The following OPA3 variants were observed in gnomAD, a reference collection of about 807,000 sequenced individuals.
OPA3 encodes the protein outer mitochondrial membrane lipid metabolism regulator OPA3, also known as optic atrophy 3 protein.
In OPA3, 6 loss-of-function variants were observed where a neutral mutation model predicts 4.0. The ratio of observed to expected loss-of-function variants is 1.51; its 90% CI spans 0.83 to 2.99. The LOEUF (loss-of-function observed/expected upper bound fraction) is 2.99. Ranked by LOEUF, OPA3 falls within the 30% of genes most tolerant of loss-of-function variation. The probability of loss-of-function intolerance (pLI) is 0.00; values close to 1 mark genes in which losing one functional copy is unlikely to be tolerated. For missense variants in OPA3, 235 were observed against 256.2 expected (o/e 0.92, Z 0.56); for synonymous variants, 105 against 117.1 (o/e 0.90, Z 0.67).
chr19:45,559,655 A>G (rs945223886), intron 1 of OPA3, among the ~76,000 whole-genome samples: 5 of 151,242 alleles, frequency 3.3e-5, no homozygotes, highest in African/African-American at 9.7e-5. Context: ...CACCCGCCTC[A>G]GCCTCCCAAA....
chr19:45,566,475 CTT>C (rs544406295), intron 1 of OPA3, among the ~76,000 whole-genome samples: 18 of 102,280 alleles, frequency 1.8e-4, no homozygotes, highest in Admixed American at 2.0e-4. Context: ...TGATTTTTCT[CTT>C]TTTTTTTTTT....
intron 1 of OPA3, among the ~76,000 whole-genome samples, chr19:45,581,727 C>T (rs763793290): frequency 2.0e-4 from 30 of 152,200 alleles, no homozygotes; most frequent in Admixed American, 3.9e-4. Flanking sequence ...CTAGACAGAG[C>T]TGATTCATCA....
chr19:45,528,738 A>G (rs1969022169), exon 2 of OPA3: 2 of 305,486 alleles, frequency 6.5e-6, no homozygotes. Context: ...ACCTAGCGGT[A>G]GGGAGGTGGG....
chr19:45,559,891 G>A (rs1294967717), intron 1 of OPA3, among the ~76,000 whole-genome samples: 1 of 152,120 alleles, frequency 6.6e-6, no homozygotes, highest in Non-Finnish European at 1.5e-5. Context: ...GAGTCGCACA[G>A]ACCTGGACTC....
intron 1 of OPA3, among the ~76,000 whole-genome samples, chr19:45,565,852 C>T (rs1325260911): frequency 6.6e-6 from 1 of 151,974 alleles, no homozygotes; most frequent in Non-Finnish European, 1.5e-5. Flanking sequence ...TCAGAAGGCT[C>T]AGAAAGGAGG....
intron 1 of OPA3, among the ~76,000 whole-genome samples, chr19:45,574,931 C>T (rs968409766): frequency 6.6e-6 from 1 of 152,154 alleles, no homozygotes; most frequent in Admixed American, 6.6e-5. Context: ...AGAGGCTACG[C>T]TGAGAGGGAA....
intron 1 of OPA3, among the ~76,000 whole-genome samples, chr19:45,563,647 C>A (rs1000028864): frequency 6.6e-5 from 10 of 151,728 alleles, no homozygotes; most frequent in South Asian, 6.2e-4. Context: ...CCTGGAATCC[C>A]AGCGATCAAA....
intron 1 of OPA3, among the ~76,000 whole-genome samples, chr19:45,561,319 G>A (rs1969499084): frequency 6.6e-6 from 1 of 151,868 alleles, no homozygotes; most frequent in South Asian, 2.1e-4. Flanking sequence ...GGCAACAAGA[G>A]CAAAACTCCA....
chr19:45,582,325 A>G (rs1325988340), intron 1 of OPA3, among the ~76,000 whole-genome samples: 2 of 151,744 alleles, frequency 1.3e-5, no homozygotes, highest in Non-Finnish European at 2.9e-5. Context: ...AAGCCCGCCT[A>G]ACTTTTGTAT....
rs772500238 is a variant in OPA3, at chr19:45,553,480, C to T, written c.*34G>A. 2 of 1,611,232 alleles carry T rather than the reference C, an allele frequency of 1.2e-6. No homozygotes were observed. Among genetic ancestry groups the T allele is most frequent in the South Asian group, 2.2e-5 (2 of 91,084 alleles). On this transcript the variant is annotated 3_prime_UTR_variant, in exon 2 of 2. Transcript: ENST00000263275. ...AAGAAGGCCACGTTAGGTACATAGG[C>T]CATGTCCAAATTCAGGTTCCATCCA...
chr19:45,576,463 AG>A (rs1219446999), intron 1 of OPA3, among the ~76,000 whole-genome samples: 1 of 151,750 alleles, frequency 6.6e-6, no homozygotes, highest in Non-Finnish European at 1.5e-5. Flanking sequence ...GCTTGAACCC[AG>A]GAGGCAGAGA....
chr19:45,572,707 A>C (rs1969701643), intron 1 of OPA3, among the ~76,000 whole-genome samples: 1 of 141,488 alleles, frequency 7.1e-6, no homozygotes, highest in Non-Finnish European at 1.5e-5. Context: ...TATATATGAT[A>C]TATCTCAATA....
rs1481543428 is a variant in OPA3, at chr19:45,574,417, A to G, written c.142+10206T>C. On this transcript the variant is annotated intron_variant, in intron 1 of 1. Transcript: ENST00000263275. The stretch of plus-strand genomic sequence containing the variant: ...GTCTCAAAAAAAAAAAAAAAAAAGA[A>G]AAAAAAAACGGATTCCATGTATACC... 3.3e-5 allele frequency among the ~76,000 whole-genome samples: 5 copies of G among 151,210 alleles called. No individual in the cohort carries two copies. In the East Asian group the frequency reaches 9.7e-4, roughly 29 times the overall value.
rs955986711 is a variant in OPA3, at chr19:45,550,102, G to C, written c.*3412C>G. 5 of 666,980 alleles carry C rather than the reference G, an allele frequency of 7.5e-6. No homozygotes were observed. Among genetic ancestry groups the C allele is most frequent in the Non-Finnish European group, 9.3e-6 (5 of 539,282 alleles). 41.3% of individuals were successfully genotyped at this position (666,980 alleles called of 1,614,324 possible). A position where few individuals can be genotyped will look rare whatever the true frequency, so the allele number is the denominator to read the frequency against. ...GAGCCTGGGAGGTAGAAGTTGCAGTGAGCCGAGATTGCACCACTGCACTCC... is the reference window on the plus strand; with the variant it reads ...GAGCCTGGGAGGTAGAAGTTGCAGTCAGCCGAGATTGCACCACTGCACTCC... On this transcript the variant is annotated 3_prime_UTR_variant, in exon 2 of 2. Coordinates refer to ENST00000263275, the MANE Select transcript of OPA3 (RefSeq NM_025136.4).
exon 2 of OPA3, chr19:45,529,154 G>A (rs1568393963): frequency 1.9e-6 from 3 of 1,609,806 alleles, no homozygotes; most frequent in African/African-American, 2.7e-5. Flanking sequence ...AGCTCCTCCA[G>A]GGCGAGCTGC....
At chr19:45,531,043 G>A (rs990578382) in intron 1 of OPA3, among the ~76,000 whole-genome samples, 1 of 136,004 alleles carries the variant, frequency 7.4e-6, no homozygotes, top group Non-Finnish European at 1.5e-5. Flanking sequence ...ACCCGCCTCA[G>A]CCTCCCAAAG....
intron 1 of OPA3, among the ~76,000 whole-genome samples, chr19:45,555,790 C>G (rs1365884734): frequency 6.6e-6 from 1 of 152,124 alleles, no homozygotes; most frequent in Admixed American, 6.6e-5. Context: ...CGTGCCTAGT[C>G]ATTTTTGTAT....
At chr19:45,544,964 CA>C (rs1969229221), downstream of OPA3, among the ~76,000 whole-genome samples, 1 of 150,658 alleles carries the variant, frequency 6.6e-6, no homozygotes, top group African/African-American at 2.4e-5. Context: ...GCCTGGGCAA[CA>C]AGAGGAAAAT....
intron 1 of OPA3, among the ~76,000 whole-genome samples, chr19:45,570,892 C>G (rs1969653302): frequency 7.0e-6 from 1 of 142,746 alleles, no homozygotes; most frequent in African/African-American, 2.6e-5. Context: ...CAAAGCCAGA[C>G]TCTCACAGAG....
Sources: gnomAD v4.1 joint callset for allele counts (sites outside exome capture counted in the v4.1 genomes callset) on GRCh38, gnomAD v4.1.1 for gene constraint, MANE v1.5 for transcripts, NCBI Gene and HGNC (gene_info 2026-07-23, HGNC 2026-07-21) for gene names.